The following ZBED4 variants were observed in gnomAD, a reference collection of about 807,000 sequenced individuals.
ZBED4 encodes the protein zinc finger BED domain-containing protein 4.
Under a neutral mutation model 15.5 loss-of-function variants are expected in ZBED4, and 4 were observed. The observed-to-expected ratio is 0.26, with a 90% CI of 0.13 to 0.59. ZBED4 has a LOEUF of 0.59. Ranked by LOEUF, ZBED4 falls within the 20% of genes least tolerant of loss-of-function variation. The pLI, the probability that ZBED4 is intolerant of heterozygous loss-of-function variation, is 0.90. For synonymous variants in ZBED4, 692 were observed against 608.5 expected (o/e 1.14, Z -2.02); for missense variants, 1,323 against 1,461.8 (o/e 0.91, Z 1.55).
Position 49,884,365 on chromosome 22 carries a change from A to G in ZBED4, c.703A>G (p.Ile235Val), listed in dbSNP as rs1319301541. The G allele has an allele frequency of 6.8e-6, 11 of 1,612,820 alleles. No homozygotes were observed. The highest frequency in any genetic ancestry group is 8.5e-6 in the Non-Finnish European group (10 of 1,179,458). ...TGTGTCTGTAGTTTCTTCTGAAGAA[A>G]TCTCCTCTGACATGTCCGTTTCGGA... ...ESVSVVSSEEISSDMSVSEKC... is the reference protein window; with the variant it reads ...ESVSVVSSEEVSSDMSVSEKC... The change falls in exon 2 of 2, where the codon ATC becomes GTC. Residue 235 changes from isoleucine (I) to valine (V), a missense_variant. Ile to Val is a conservative substitution (Grantham distance 29, BLOSUM62 3). Around this residue, in one of 6 missense-constraint regions of ZBED4, gnomAD observed 380 missense variants for 413.7 expected, o/e 0.92. Transcript: ENST00000216268.
intron 1 of ZBED4, among the ~76,000 whole-genome samples, chr22:49,879,290 A>G (rs1053056283): frequency 4.6e-4 from 69 of 150,678 alleles, no homozygotes; most frequent in African/African-American, 1.5e-3. Context: ...ACGCCGCGCT[A>G]ATTTTTTTGT....
At chr22:49,874,201 C>T (rs996095520) in intron 1 of ZBED4, among the ~76,000 whole-genome samples, 1 of 152,194 alleles carries the variant, frequency 6.6e-6, no homozygotes, top group Admixed American at 6.5e-5. Context: ...CTCACTCTTT[C>T]ACTGATGAGT....
intron 1 of ZBED4, among the ~76,000 whole-genome samples, chr22:49,871,851 T>C (rs771580273): frequency 2.6e-5 from 4 of 151,734 alleles, no homozygotes; most frequent in Non-Finnish European, 4.4e-5. Flanking sequence ...ACCTCCTGGG[T>C]TGAAGCGATT....
At position 49,884,282 on chromosome 22, in the gene ZBED4, A is replaced by G. The variant is rs1355177430; in HGVS notation, c.620A>G (p.Lys207Arg). Reference protein sequence around the residue: ...GDLSTILSPIKLVQKVASKIP... With the variant: ...GDLSTILSPIRLVQKVASKIP... ...CTCAGCACCATCCTCTCACCCATCA[A>G]ACTTGTCCAGAAAGTGGCGTCTAAG... The change falls in exon 2 of 2, where the codon AAA becomes AGA. Residue 207 changes from lysine to arginine, a missense_variant. Coordinates refer to ENST00000216268, the MANE Select transcript of ZBED4 (RefSeq NM_014838.3). 6 of 1,612,310 alleles carry G rather than the reference A, an allele frequency of 3.7e-6. No individual in the cohort carries two copies. The highest frequency in any genetic ancestry group is 5.1e-6 in the Non-Finnish European group (6 of 1,179,124).
Position 49,884,415 on chromosome 22 carries a change from G to C in ZBED4, c.753G>C (p.Leu251=). ...AGAAGTGCGGCAGAGAAGAAGCCCTGGTGGGGTCGTCTCCCCACCTCCCTG... is the reference window on the plus strand; with the variant it reads ...AGAAGTGCGGCAGAGAAGAAGCCCTCGTGGGGTCGTCTCCCCACCTCCCTG... ...VSEKCGREEA[L]VGSSPHLPAL... is the part of the protein sequence containing the mutation. The change falls in exon 2 of 2, where the codon CTG becomes CTC. Residue 251 remains leucine, a synonymous_variant. Transcript: ENST00000216268. 1.2e-6 allele frequency: 2 copies of C among 1,613,798 alleles called. No homozygotes were observed. Among genetic ancestry groups the C allele is most frequent in the Non-Finnish European group, 1.7e-6 (2 of 1,179,844 alleles).
chr22:49,871,609 C>A lies in ZBED4; in HGVS notation c.-329-11725C>A, dbSNP rs114720542. ...TGTTGCTGAAAATGCCAACAGTCAT[C>A]TGAGCCTTCAGCAACTCATAATCTC... is the stretch of plus-strand genomic sequence containing the variant. On this transcript the variant is annotated intron_variant, in intron 1 of 1. Transcript: ENST00000216268. Among the ~76,000 whole-genome samples, 1,170 of 152,262 alleles carry A rather than the reference C, an allele frequency of 7.7e-3. 19 individuals are homozygous for A. The highest frequency in any genetic ancestry group is 0.026 in the African/African-American group (1,098 of 41,558).
chr22:49,870,405 G>A (rs2060341104), intron 1 of ZBED4, among the ~76,000 whole-genome samples: 1 of 152,208 alleles, frequency 6.6e-6, no homozygotes, highest in South Asian at 2.1e-4. Flanking sequence ...ACTCCACACT[G>A]CTCTCCGCAG....
intron 1 of ZBED4, among the ~76,000 whole-genome samples, chr22:49,864,820 C>A (rs865882303): frequency 0.013 from 857 of 66,818 alleles, no homozygotes; most frequent in South Asian, 0.014. Flanking sequence ...ACCCTGTCTC[C>A]AAAAAAAAAA....
chr22:49,879,686 T>C (rs1213319346), intron 1 of ZBED4, among the ~76,000 whole-genome samples: 1 of 67,670 alleles, frequency 1.5e-5, no homozygotes, highest in Non-Finnish European at 3.3e-5. Flanking sequence ...TCTGGGCGTG[T>C]TTCTATTGGT....
In ZBED4 at chr22:49,884,285, T is replaced by C. The variant is rs780657401; in HGVS notation, c.623T>C (p.Leu208Pro). ...DLSTILSPIK[L>P]VQKVASKIPS... ...AGCACCATCCTCTCACCCATCAAAC[T>C]TGTCCAGAAAGTGGCGTCTAAGATC... is the stretch of plus-strand genomic sequence containing the variant. Residue 208 changes from leucine (L) to proline (P), a missense_variant, in exon 2 of 2, where the codon CTT becomes CCT. Physicochemically the swap from Leu to Pro is moderately conservative, Grantham distance 98. This residue lies in a region of ZBED4 where 380 missense variants were observed against 413.7 expected (regional missense o/e 0.92). Transcript: ENST00000216268. 1 of 1,612,678 alleles carries C rather than the reference T, an allele frequency of 6.2e-7. No homozygotes were observed. The highest frequency in any genetic ancestry group is 8.5e-7 in the Non-Finnish European group (1 of 1,179,222).
chr22:49,862,040 G>T (rs1374905433), intron 1 of ZBED4, among the ~76,000 whole-genome samples: 1 of 152,212 alleles, frequency 6.6e-6, no homozygotes, highest in Non-Finnish European at 1.5e-5. Context: ...CAGGATGGTA[G>T]GGTGAGAAGG....
chr22:49,867,133 A>G (rs2060325580), intron 1 of ZBED4, among the ~76,000 whole-genome samples: 1 of 152,152 alleles, frequency 6.6e-6, no homozygotes, highest in African/African-American at 2.4e-5. Context: ...AACACTTTCC[A>G]GTTTACCTCA....
chr22:49,879,368 C>A (rs2060395748), intron 1 of ZBED4, among the ~76,000 whole-genome samples: 1 of 151,662 alleles, frequency 6.6e-6, no homozygotes, highest in Non-Finnish European at 1.5e-5. Flanking sequence ...CTCGGTTGAT[C>A]CGTCTGCCTC....
chr22:49,882,690 C>T (rs1011934711), intron 1 of ZBED4, among the ~76,000 whole-genome samples: 3 of 152,176 alleles, frequency 2.0e-5, no homozygotes, highest in East Asian at 1.9e-4. Context: ...TGGAATCTCA[C>T]GGTTCTTGGC....
At chr22:49,853,012 C>T (rs964830371), upstream of ZBED4, 1 of 152,222 alleles carries the variant, frequency 6.6e-6, no homozygotes, top group Non-Finnish European at 1.5e-5. Context: ...CGTGATAACT[C>T]CACGCTCCCG....
intron 1 of ZBED4, among the ~76,000 whole-genome samples, chr22:49,861,560 A>G: frequency 6.6e-6 from 1 of 152,080 alleles, no homozygotes; most frequent in East Asian, 1.9e-4. Context: ...TACCCTCCTG[A>G]GTAGCTGGGA....
At chr22:49,871,465 AGAGT>A (rs943506155) in intron 1 of ZBED4, among the ~76,000 whole-genome samples, 30 of 152,186 alleles carry the variant, frequency 2.0e-4, no homozygotes, top group African/African-American at 7.0e-4. Context: ...CCTGGGCGAC[AGAGT>A]GAGACTCTGT....
chr22:49,853,349 C>A (rs2060259350), upstream of ZBED4: 1 of 152,122 alleles, frequency 6.6e-6, no homozygotes, highest in South Asian at 2.1e-4. Context: ...GCCCCGATCG[C>A]CTTAGGGTCA....
intron 1 of ZBED4, among the ~76,000 whole-genome samples, chr22:49,873,341 G>A (rs956164693): frequency 5.9e-5 from 9 of 152,204 alleles, no homozygotes; most frequent in African/African-American, 2.2e-4. Context: ...AGGGAAGAGG[G>A]AGGCTGGAGG....
Sources: gnomAD v4.1 joint callset for allele counts (sites outside exome capture counted in the v4.1 genomes callset) on GRCh38, gnomAD v4.1.1 for gene constraint, gnomAD v4.1.1 regional missense constraint, MANE v1.5 for transcripts, NCBI Gene and HGNC (gene_info 2026-07-23, HGNC 2026-07-21) for gene names.